ADAMTSL3: variants seen among roughly 807,000 people sequenced by gnomAD.
The protein encoded by ADAMTSL3 is ADAMTS-like protein 3.
A neutral mutation model predicts 201.7 loss-of-function variants in ADAMTSL3; 128 were observed. That is an observed-to-expected ratio of 0.63 (90% confidence interval 0.55 to 0.73). The LOEUF (loss-of-function observed/expected upper bound fraction) is 0.73, where lower values mean the gene tolerates loss of function less well. Ranked by LOEUF, ADAMTSL3 falls within the 30% of genes least tolerant of loss-of-function variation. ADAMTSL3 has a pLI of 0.00. For missense variants in ADAMTSL3, 1,990 were observed against 2,119.6 expected (o/e 0.94, Z 1.20); for synonymous variants, 738 against 748.4 (o/e 0.99, Z 0.23).
chr15:83,975,298 G>A (rs558945428), intron 20 of ADAMTSL3, among the ~76,000 whole-genome samples: 1 of 151,122 alleles, frequency 6.6e-6, no homozygotes, highest in South Asian at 2.1e-4. Flanking sequence ...CACTGCACCT[G>A]GCCAGCCTGC....
chr15:83,952,767 C>T (rs547664936), intron 19 of ADAMTSL3, among the ~76,000 whole-genome samples: 24 of 149,720 alleles, frequency 1.6e-4, no homozygotes, highest in African/African-American at 5.9e-4. Flanking sequence ...GATCGTGCCA[C>T]TGCACTCCAG....
At chr15:83,680,337 G>T (rs2217065) in intron 2 of ADAMTSL3, among the ~76,000 whole-genome samples, 98,767 of 151,762 alleles carry the variant, frequency 0.65, 34,627 homozygotes, top group African/African-American at 0.9. Context: ...TTCTTATGAT[G>T]GTTTGTGTGA....
intron 4 of ADAMTSL3, among the ~76,000 whole-genome samples, chr15:83,786,766 A>G (rs2063271228): frequency 6.6e-6 from 1 of 152,046 alleles, no homozygotes; most frequent in Non-Finnish European, 1.5e-5. Context: ...CTCTTTTAGG[A>G]AGCCTATCTT....
intron 4 of ADAMTSL3, among the ~76,000 whole-genome samples, chr15:83,773,947 G>T (rs1302371717): frequency 1.3e-5 from 2 of 152,142 alleles, no homozygotes; most frequent in Non-Finnish European, 2.9e-5. Flanking sequence ...GGAGCAAGAG[G>T]TCAAGTCTTC....
At chr15:84,033,178 A>C (rs1218952245) in intron 28 of ADAMTSL3, among the ~76,000 whole-genome samples, 1 of 152,040 alleles carries the variant, frequency 6.6e-6, no homozygotes, top group African/African-American at 2.4e-5. Flanking sequence ...CAGCTGTCCA[A>C]CTGGTCCCCC....
intron 3 of ADAMTSL3, among the ~76,000 whole-genome samples, chr15:83,729,242 T>A (rs1340801170): frequency 6.6e-6 from 1 of 152,076 alleles, no homozygotes; most frequent in Non-Finnish European, 1.5e-5. Context: ...TTCTTTGGGT[T>A]AAATCTGCTT....
At chr15:83,677,140 C>G (rs1194387486) in intron 2 of ADAMTSL3, among the ~76,000 whole-genome samples, 9 of 152,156 alleles carry the variant, frequency 5.9e-5, no homozygotes, top group African/African-American at 1.2e-4. Flanking sequence ...ATAATAGACT[C>G]TGTCTGATTT....
intron 17 of ADAMTSL3, among the ~76,000 whole-genome samples, chr15:83,926,193 A>G (rs575133808): frequency 6.6e-6 from 1 of 152,314 alleles, no homozygotes; most frequent in African/African-American, 2.4e-5. Context: ...AGAGGTGTAG[A>G]GGAATGAGTG....
At chr15:83,918,564 A>G (rs959302228) in intron 16 of ADAMTSL3, among the ~76,000 whole-genome samples, 2 of 152,204 alleles carry the variant, frequency 1.3e-5, no homozygotes, top group African/African-American at 4.8e-5. Context: ...GAGCATATGC[A>G]AAGGCCAGCA....
Position 83,885,695 on chromosome 15 carries a change from T to C in ADAMTSL3, c.1072+483T>C, listed in dbSNP as rs137955778. Among the ~76,000 whole-genome samples, 547 of 152,064 alleles carry C rather than the reference T, an allele frequency of 3.6e-3. 3 individuals carry two copies. The highest frequency in any genetic ancestry group is 5.9e-3 in the Non-Finnish European group (402 of 67,972). ...AAAGAGAAAGGGTCCCTACTAAGTG[T>C]TAAGGGGAAAGCCCTGCTTATTGTC... On this transcript the variant is annotated intron_variant, in intron 10 of 29. Coordinates refer to ENST00000286744, the MANE Select transcript of ADAMTSL3 (RefSeq NM_207517.3).
intron 4 of ADAMTSL3, among the ~76,000 whole-genome samples, chr15:83,776,054 C>CT (rs1195847018): frequency 6.6e-6 from 1 of 152,210 alleles, no homozygotes; most frequent in East Asian, 1.9e-4. Context: ...ACATGGGCTG[C>CT]TGCAGCTGTT....
At chr15:83,990,726 C>T (rs960300923) in intron 22 of ADAMTSL3, among the ~76,000 whole-genome samples, 1 of 152,194 alleles carries the variant, frequency 6.6e-6, no homozygotes, top group Non-Finnish European at 1.5e-5. Context: ...TCCTGCTCTG[C>T]CTGTCTTCTT....
At position 84,037,983 on chromosome 15, in the gene ADAMTSL3, T is replaced by A. The variant is rs896478666; in HGVS notation, c.*177T>A. On this transcript the variant is annotated 3_prime_UTR_variant, in exon 30 of 30. Transcript: ENST00000286744. ...GTAAAGTGAAATTTTCCAATGGTAG[T>A]TTTATATTCCAATTTTTTAAAATGA... 1 of 969,308 alleles carries A rather than the reference T, an allele frequency of 1.0e-6. No individual in the cohort carries two copies. The highest frequency in any genetic ancestry group is 1.7e-5 in the African/African-American group (1 of 60,522). The allele number at this position is 969,308 out of a possible 1,614,324, so 60.0% of individuals were successfully genotyped here.
intron 4 of ADAMTSL3, among the ~76,000 whole-genome samples, chr15:83,777,412 G>C (rs911878581): frequency 1.3e-5 from 2 of 152,156 alleles, no homozygotes; most frequent in African/African-American, 4.8e-5. Flanking sequence ...GCAGTGCAGT[G>C]GATTCCTAAC....
At chr15:83,884,426 C>T (rs1271290812) in intron 9 of ADAMTSL3, among the ~76,000 whole-genome samples, 1 of 146,616 alleles carries the variant, frequency 6.8e-6, no homozygotes, top group Non-Finnish European at 1.5e-5. Flanking sequence ...AAGCATGTGG[C>T]ACCATGCTGG....
Position 84,014,640 on chromosome 15 carries a change from T to G in ADAMTSL3, c.4072T>G (p.Ser1358Ala). Reference protein sequence around the residue: ...FNGSLLLQNVSLENEGTYVCI... With the variant: ...FNGSLLLQNVALENEGTYVCI... ...TGGATCCCTGTTGTTGCAGAATGTT[T>G]CCCTTGAAAATGAAGGAACCTACGT... Residue 1358 changes from serine (S) to alanine (A), a missense_variant, in exon 24 of 30, where the codon TCC becomes GCC. Coordinates refer to ENST00000286744, the MANE Select transcript of ADAMTSL3 (RefSeq NM_207517.3). 3 of 1,612,844 alleles carry G rather than the reference T, an allele frequency of 1.9e-6. No individual in the cohort carries two copies. Among genetic ancestry groups the G allele is most frequent in the South Asian group, 2.2e-5 (2 of 90,614 alleles).
At chr15:83,688,859 A>G (rs529820383) in intron 2 of ADAMTSL3, among the ~76,000 whole-genome samples, 1 of 152,112 alleles carries the variant, frequency 6.6e-6, no homozygotes, top group African/African-American at 2.4e-5. Context: ...GCCAGGCTAG[A>G]GTGTAGTGGC....
intron 23 of ADAMTSL3, among the ~76,000 whole-genome samples, chr15:84,005,282 C>T (rs2067873832): frequency 6.6e-6 from 1 of 152,184 alleles, no homozygotes; most frequent in Non-Finnish European, 1.5e-5. Flanking sequence ...TGGCTAATAG[C>T]TATTTGTTCA....
At chr15:83,990,429 G>C (rs1022394130) in intron 22 of ADAMTSL3, among the ~76,000 whole-genome samples, 1 of 152,170 alleles carries the variant, frequency 6.6e-6, no homozygotes, top group South Asian at 2.1e-4. Flanking sequence ...TGTGCTTATC[G>C]AAAGAGGAGA....
Sources: allele counts gnomAD v4.1 joint callset (sites outside exome capture counted in the v4.1 genomes callset), GRCh38; gene constraint gnomAD v4.1.1; transcripts MANE v1.5; gene names NCBI Gene and HGNC (gene_info 2026-07-23, HGNC 2026-07-21).